The following HS6ST3 variants were observed in gnomAD, a reference collection of about 807,000 sequenced individuals.
HS6ST3 encodes heparan-sulfate 6-O-sulfotransferase 3.
In HS6ST3, 12 loss-of-function variants were observed where a neutral mutation model predicts 36.7. That is an observed-to-expected ratio of 0.33 (90% CI 0.21 to 0.53). The LOEUF is 0.53. Ranked by LOEUF, HS6ST3 falls within the 20% of genes least tolerant of loss-of-function variation. The pLI, the probability that HS6ST3 is intolerant of heterozygous loss-of-function variation, is 0.95. For synonymous variants in HS6ST3, 240 were observed against 257.5 expected (o/e 0.93, Z 0.65); for missense variants, 584 against 640.9 (o/e 0.91, Z 0.96).
chr13:96,104,793 C>T (rs568753431), intron 1 of HS6ST3, among the ~76,000 whole-genome samples: 1 of 152,146 alleles, frequency 6.6e-6, no homozygotes, highest in Non-Finnish European at 1.5e-5. Flanking sequence ...TTCCCCTCTC[C>T]CTTGGCTTCC....
At chr13:96,535,571 A>AC (rs1191869907) in intron 1 of HS6ST3, among the ~76,000 whole-genome samples, 1 of 151,466 alleles carries the variant, frequency 6.6e-6, no homozygotes, top group East Asian at 1.9e-4. Context: ...AAAAAAAAAA[A>AC]AAAAATTGGA....
chr13:96,606,465 C>T (rs991709348), intron 1 of HS6ST3, among the ~76,000 whole-genome samples: 1 of 151,984 alleles, frequency 6.6e-6, no homozygotes. Flanking sequence ...AGTGAATTAA[C>T]ACAGTAATGG....
Position 96,838,667 on chromosome 13 carries a change from C to T in HS6ST3, c.*5469C>T, listed in dbSNP as rs1442716567. On this transcript the variant is annotated 3_prime_UTR_variant, in exon 2 of 2. Coordinates refer to ENST00000376705, the MANE Select transcript of HS6ST3 (RefSeq NM_153456.4). ...GCCAATGCCTGCTCTCTTCTCACCA[C>T]ATTCACCTGGACAAATCTGAACTAA... 6.6e-6 allele frequency: 1 copy of T among 152,170 alleles called. No homozygotes were observed. Among genetic ancestry groups the T allele is most frequent in the Admixed American group, 6.5e-5 (1 of 15,280 alleles). 9.4% of individuals were successfully genotyped at this position (152,170 alleles called of 1,614,324 possible).
At chr13:96,369,968 G>A (rs1343302744) in intron 1 of HS6ST3, among the ~76,000 whole-genome samples, 1 of 152,020 alleles carries the variant, frequency 6.6e-6, no homozygotes, top group East Asian at 1.9e-4. Flanking sequence ...ATGGCTTGAA[G>A]CCTGAATTTT....
chr13:96,462,055 A>AT (rs1277852079), intron 1 of HS6ST3, among the ~76,000 whole-genome samples: 1 of 152,084 alleles, frequency 6.6e-6, no homozygotes, highest in African/African-American at 2.4e-5. Flanking sequence ...AAATTAAAGG[A>AT]TTTTTTGAAA....
chr13:96,637,557 G>A (rs1054751257), intron 1 of HS6ST3, among the ~76,000 whole-genome samples: 1 of 152,034 alleles, frequency 6.6e-6, no homozygotes, highest in Non-Finnish European at 1.5e-5. Flanking sequence ...CTACTAGCTT[G>A]TATTAGTATT....
chr13:96,630,672 G>A (rs2056529008), intron 1 of HS6ST3, among the ~76,000 whole-genome samples: 1 of 152,046 alleles, frequency 6.6e-6, no homozygotes, highest in Admixed American at 6.6e-5. Context: ...CACAGGATTT[G>A]GCTAATATTC....
chr13:96,127,280 G>T (rs1415454712), intron 1 of HS6ST3, among the ~76,000 whole-genome samples: 1 of 152,198 alleles, frequency 6.6e-6, no homozygotes, highest in Non-Finnish European at 1.5e-5. Flanking sequence ...GGGTTTTGTG[G>T]TGTTTCCATG....
intron 1 of HS6ST3, among the ~76,000 whole-genome samples, chr13:96,230,091 C>T (rs16952910): frequency 0.041 from 6,203 of 152,172 alleles, 202 homozygotes; most frequent in African/African-American, 0.086. Context: ...AGCATCAGAG[C>T]TTAGGAGTTT....
At position 96,660,404 on chromosome 13, in the gene HS6ST3, C is replaced by T. The variant is rs373098602; in HGVS notation, c.708-172086C>T. Among the ~76,000 whole-genome samples, 22 of 152,192 alleles carry T rather than the reference C, an allele frequency of 1.4e-4. No individual in the cohort carries two copies. The South Asian group carries it at 4.3e-3, about 30-fold the overall frequency. The stretch of plus-strand genomic sequence containing the variant: ...ACAAATGTAAAATCATATTAGCCAA[C>T]ATTTATTCATACACAATGAGGAAAG... On this transcript the variant is annotated intron_variant, in intron 1 of 1. Coordinates refer to ENST00000376705, the MANE Select transcript of HS6ST3 (RefSeq NM_153456.4).
chr13:96,300,047 CTTTT>C (rs11350737), intron 1 of HS6ST3, among the ~76,000 whole-genome samples: 1 of 74,574 alleles, frequency 1.3e-5, no homozygotes, highest in African/African-American at 5.5e-5. Context: ...AAGTGCTACA[CTTTT>C]TTTTTTTTTT....
intron 1 of HS6ST3, among the ~76,000 whole-genome samples, chr13:96,637,559 A>G (rs544033643): frequency 1.3e-5 from 2 of 152,218 alleles, no homozygotes; most frequent in East Asian, 1.9e-4. Flanking sequence ...ACTAGCTTGT[A>G]TTAGTATTAA....
intron 1 of HS6ST3, among the ~76,000 whole-genome samples, chr13:96,475,747 C>G (rs1197830737): frequency 6.6e-6 from 1 of 151,828 alleles, no homozygotes. Context: ...AGAAAATCAA[C>G]TGAAATCATT....
In HS6ST3 at chr13:96,103,953, GTTTT is replaced by G. The variant is rs58261240; in HGVS notation, c.707+12400_707+12403del. ...TTTGGCATAGATCAAGGTTTGAGGT[GTTTT>G]TTTTTTTTTTTTTTTCCCATTGCTT... On this transcript the variant is annotated intron_variant, in intron 1 of 1. Transcript: ENST00000376705. 2.2e-4 allele frequency among the ~76,000 whole-genome samples: 32 copies of G among 145,652 alleles called. No homozygotes were observed. The South Asian group carries it at 4.3e-3, about 19-fold the overall frequency.
intron 1 of HS6ST3, among the ~76,000 whole-genome samples, chr13:96,354,896 A>G (rs557559802): frequency 6.6e-6 from 1 of 152,290 alleles, no homozygotes; most frequent in East Asian, 1.9e-4. Context: ...GATTCAAGCT[A>G]CCGTAAGATA....
intron 1 of HS6ST3, among the ~76,000 whole-genome samples, chr13:96,157,862 A>G (rs533899877): frequency 1.3e-5 from 2 of 152,330 alleles, no homozygotes; most frequent in South Asian, 4.1e-4. Context: ...AACGAAGCAG[A>G]TATCTTTGGA....
chr13:96,592,527 G>T (rs2056386293), intron 1 of HS6ST3, among the ~76,000 whole-genome samples: 1 of 152,060 alleles, frequency 6.6e-6, no homozygotes, highest in Admixed American at 6.6e-5. Context: ...AATTTCAGAT[G>T]ATTTCTTTTG....
chr13:96,164,903 C>T (rs2054153618), intron 1 of HS6ST3, among the ~76,000 whole-genome samples: 1 of 151,946 alleles, frequency 6.6e-6, no homozygotes, highest in African/African-American at 2.4e-5. Context: ...TTAAAAGATA[C>T]ATTAGATAAA....
At chr13:96,657,553 C>T (rs1277433940) in intron 1 of HS6ST3, among the ~76,000 whole-genome samples, 1 of 152,128 alleles carries the variant, frequency 6.6e-6, no homozygotes, top group East Asian at 1.9e-4. Context: ...AAGATCAGAA[C>T]ACAATGTCCT....
Sources: gnomAD v4.1 joint callset for allele counts (sites outside exome capture counted in the v4.1 genomes callset) on GRCh38, gnomAD v4.1.1 for gene constraint, MANE v1.5 for transcripts, NCBI Gene and HGNC (gene_info 2026-07-23, HGNC 2026-07-21) for gene names.